MIPOL1: variants seen among roughly 807,000 people sequenced by gnomAD.
The protein encoded by MIPOL1 is mirror-image polydactyly 1.
In MIPOL1, 57 loss-of-function variants were observed where a neutral mutation model predicts 60.9. The ratio of observed to expected loss-of-function variants is 0.94; its 90% CI spans 0.76 to 1.17. MIPOL1 has a LOEUF of 1.17. MIPOL1 is among the 50% of genes most tolerant of loss of function. The probability of loss-of-function intolerance (pLI) is 0.00; values close to 1 mark genes in which losing one functional copy is unlikely to be tolerated. For synonymous variants in MIPOL1, 179 were observed against 168.8 expected, an observed-to-expected ratio of 1.06 and a Z score of -0.47; for missense variants, 551 against 511.6, an observed-to-expected ratio of 1.08 and a Z score of -0.74.
At chr14:37,357,649 C>G (rs2091937441) in intron 9 of MIPOL1, among the ~76,000 whole-genome samples, 1 of 151,786 alleles carries the variant, frequency 6.6e-6, no homozygotes, top group Non-Finnish European at 1.5e-5. Flanking sequence ...CCTTATATAT[C>G]CTGGTTGTTA....
intron 9 of MIPOL1, among the ~76,000 whole-genome samples, chr14:37,351,833 T>C (rs1450762637): frequency 8.8e-5 from 13 of 147,354 alleles, no homozygotes; most frequent in East Asian, 2.0e-4. Flanking sequence ...GAGTAGGTTG[T>C]GAAAATTTTC....
intron 10 of MIPOL1, chr14:37,385,798 T>C (rs2093051574): frequency 6.6e-6 from 1 of 152,084 alleles, no homozygotes; most frequent in Non-Finnish European, 1.5e-5. Context: ...TGTGCAAATG[T>C]ATTTTCTTTC....
chr14:37,332,041 G>A (rs1489639314), intron 9 of MIPOL1, among the ~76,000 whole-genome samples: 1 of 152,156 alleles, frequency 6.6e-6, no homozygotes, highest in Non-Finnish European at 1.5e-5. Flanking sequence ...GGGAGGCTGA[G>A]GCAGGAGAAT....
intron 12 of MIPOL1, among the ~76,000 whole-genome samples, chr14:37,512,726 A>G (rs2095338462): frequency 6.6e-6 from 1 of 152,118 alleles, no homozygotes; most frequent in South Asian, 2.1e-4. Flanking sequence ...GCAAAATTAG[A>G]CATATCCAAA....
At chr14:37,250,393 C>T (rs994182753) in intron 3 of MIPOL1, among the ~76,000 whole-genome samples, 6 of 151,952 alleles carry the variant, frequency 3.9e-5, no homozygotes, top group African/African-American at 1.4e-4. Context: ...ACTAAAAATA[C>T]ACAAATTAGC....
chr14:37,502,704 C>T (rs563740596), intron 12 of MIPOL1: 1 of 152,276 alleles, frequency 6.6e-6, no homozygotes, highest in East Asian at 1.9e-4. Context: ...AAAACCAGAG[C>T]ACCTCTTCTG....
At chr14:37,375,903 AT>A (rs903603515) in intron 10 of MIPOL1, among the ~76,000 whole-genome samples, 11 of 150,484 alleles carry the variant, frequency 7.3e-5, no homozygotes, top group South Asian at 2.1e-4. Flanking sequence ...CCATATCTCC[AT>A]TTTTTTTCCT....
intron 12 of MIPOL1, among the ~76,000 whole-genome samples, chr14:37,543,920 A>G (rs1475497086): frequency 6.6e-6 from 1 of 152,240 alleles, no homozygotes; most frequent in African/African-American, 2.4e-5. Context: ...TTTTTCTTAA[A>G]TATTTTAGCT....
At chr14:37,530,369 T>C (rs897342595) in intron 12 of MIPOL1, among the ~76,000 whole-genome samples, 1 of 152,142 alleles carries the variant, frequency 6.6e-6, no homozygotes, top group Non-Finnish European at 1.5e-5. Context: ...TACGGCCAGA[T>C]GGCAGATATA....
At chr14:37,199,404 A>G (rs1004882853) in intron 1 of MIPOL1, among the ~76,000 whole-genome samples, 6 of 152,188 alleles carry the variant, frequency 3.9e-5, no homozygotes, top group African/African-American at 1.2e-4. Context: ...AGATTTATTC[A>G]AGTTATGTAG....
chr14:37,328,152 A>G (rs1424888700), intron 9 of MIPOL1, among the ~76,000 whole-genome samples: 6 of 152,134 alleles, frequency 3.9e-5, no homozygotes, highest in Admixed American at 3.9e-4. Context: ...AGCTGGGATT[A>G]CAGGTGCCCA....
intron 6 of MIPOL1, chr14:37,278,459 T>G (rs1316639002): frequency 6.6e-6 from 1 of 151,764 alleles, no homozygotes; most frequent in Non-Finnish European, 1.5e-5. Flanking sequence ...ATGGTAGATA[T>G]TCATAGAATT....
intron 10 of MIPOL1, among the ~76,000 whole-genome samples, chr14:37,394,262 CTCTG>C (rs1205580084): frequency 1.3e-5 from 2 of 151,292 alleles, no homozygotes; most frequent in Non-Finnish European, 2.9e-5. Context: ...ACTTCTTTTT[CTCTG>C]CATAGATACC....
intron 11 of MIPOL1, among the ~76,000 whole-genome samples, chr14:37,461,203 A>G (rs2094534560): frequency 6.6e-6 from 1 of 152,202 alleles, no homozygotes; most frequent in Non-Finnish European, 1.5e-5. Flanking sequence ...GCAATTTACA[A>G]AAGAAAGAGG....
chr14:37,498,508 G>GA (rs375636388), intron 11 of MIPOL1, among the ~76,000 whole-genome samples: 1 of 152,088 alleles, frequency 6.6e-6, no homozygotes, highest in African/African-American at 2.4e-5. Flanking sequence ...AGAGGACACA[G>GA]AAAAAATAGT....
intron 7 of MIPOL1, among the ~76,000 whole-genome samples, chr14:37,293,441 G>A (rs920692879): frequency 5.9e-5 from 9 of 152,118 alleles, no homozygotes; most frequent in African/African-American, 1.9e-4. Flanking sequence ...CATCTCACTG[G>A]GGAGTGCCAG....
chr14:37,393,256 C>G (rs1467471481), intron 10 of MIPOL1, among the ~76,000 whole-genome samples: 1 of 152,058 alleles, frequency 6.6e-6, no homozygotes, highest in African/African-American at 2.4e-5. Flanking sequence ...GAGAGCATTT[C>G]TGTGGGTTTT....
At chr14:37,362,665 G>A (rs1049204981) in intron 9 of MIPOL1, among the ~76,000 whole-genome samples, 2 of 152,112 alleles carry the variant, frequency 1.3e-5, no homozygotes, top group African/African-American at 4.8e-5. Context: ...GCCTTGCTAG[G>A]TTGGGGAAGT....
At chr14:37,270,399 A>T (rs1272183280) in intron 5 of MIPOL1, 21 bp from the exon 6 acceptor site, 1 of 1,330,444 alleles carries the variant, frequency 7.5e-7, no homozygotes, top group Non-Finnish European at 1.0e-6. Context: ...AGAATCCATG[A>T]TTTTTTTCAA....
Sources: gnomAD v4.1 joint callset for allele counts (sites outside exome capture counted in the v4.1 genomes callset) on GRCh38, gnomAD v4.1.1 for gene constraint, MANE v1.5 for transcripts, NCBI Gene and HGNC (gene_info 2026-07-23, HGNC 2026-07-21) for gene names.